The following DUSP22 variants were observed in gnomAD, a reference collection of about 807,000 sequenced individuals.
DUSP22 encodes the protein dual specificity phosphatase 22, also known as dual specificity protein phosphatase 22.
In DUSP22, 24 loss-of-function variants were observed where a neutral mutation model predicts 24.5. The observed-to-expected ratio is 0.98, with a 90% confidence interval of 0.71 to 1.38. The LOEUF (loss-of-function observed/expected upper bound fraction) is 1.38, where lower values mean the gene tolerates loss of function less well. DUSP22 is among the 40% of genes most tolerant of loss of function. DUSP22 has a pLI of 0.00. For synonymous variants in DUSP22, 160 were observed against 106.4 expected, an observed-to-expected ratio of 1.50 and a Z score of -3.10; for missense variants, 330 against 269.2, an observed-to-expected ratio of 1.23 and a Z score of -1.58.
Position 350,673 on chromosome 6 carries a change from A to T in DUSP22, c.*1722A>T, listed in dbSNP as rs1581199937. ...GCCAATAAAGTACATGTTTTTCCTA[A>T]GCCAAAAATAAATACGTTAACAGAA... is the stretch of plus-strand genomic sequence containing the variant. On this transcript the variant is annotated 3_prime_UTR_variant, in exon 7 of 7. Coordinates refer to ENST00000419235, the MANE Select transcript of DUSP22 (RefSeq NM_001286555.3). The T allele has an allele frequency of 1.9e-6, 3 of 1,541,874 alleles. No homozygotes were observed. In the East Asian group the frequency reaches 7.0e-5, roughly 36 times the overall value.
chr6:311,905 CA>C lies in DUSP22; in HGVS notation c.83del (p.Lys28ArgfsTer4), dbSNP rs1156938484. On this transcript the variant is annotated frameshift_variant, in exon 3 of 7. Coordinates refer to ENST00000419235, the MANE Select transcript of DUSP22 (RefSeq NM_001286555.3). LOFTEE classifies it high-confidence loss of function. ...ATGCCAGAGACGCGGAACAATTGAG[CA>C]AGAACAAGGTGACACATATTCTGTC... ...KDARDAEQLS[K>X]NKVTHILSVH... 6.2e-7 allele frequency: 1 copy of C among 1,612,222 alleles called. No homozygotes were observed. Among genetic ancestry groups the C allele is most frequent in the African/African-American group, 1.3e-5 (1 of 74,832 alleles).
intron 3 of DUSP22, among the ~76,000 whole-genome samples, chr6:317,494 A>C (rs1298622669): frequency 1.3e-5 from 2 of 152,306 alleles, no homozygotes; most frequent in African/African-American, 4.8e-5. Context: ...CTCCGAGCTC[A>C]GCCCCAGCTC....
chr6:330,567 T>C (rs1759096231), intron 3 of DUSP22, among the ~76,000 whole-genome samples: 1 of 152,306 alleles, frequency 6.6e-6, no homozygotes, highest in Non-Finnish European at 1.5e-5. Flanking sequence ...TGCCTCCGTA[T>C]CGTTTTAAGT....
In DUSP22 at chr6:348,289, G is replaced by A; in HGVS notation, c.435+15G>A. 6.2e-7 allele frequency: 1 copy of A among 1,613,980 alleles called. No individual in the cohort carries two copies. The highest frequency in any genetic ancestry group is 8.5e-7 in the Non-Finnish European group (1 of 1,179,840). The stretch of plus-strand genomic sequence containing the variant: ...AGGTCCATCAGGTAAGCAGTTCTTA[G>A]GGGACATCAGAGATGCAGGCAGGTG... On this transcript the variant is annotated intron_variant, in intron 6 of 6. Coordinates refer to ENST00000419235, the MANE Select transcript of DUSP22 (RefSeq NM_001286555.3).
At chr6:304,476 G>C (rs1369587838) in intron 1 of DUSP22, 152 bp from the exon 2 acceptor site, 1 of 1,174,896 alleles carries the variant, frequency 8.5e-7, no homozygotes, top group Non-Finnish European at 1.3e-6. Flanking sequence ...GGCCGCTGGG[G>C]ATGTTGGGTC....
intron 2 of DUSP22, among the ~76,000 whole-genome samples, chr6:305,031 C>T (rs1191688332): frequency 6.6e-6 from 1 of 152,310 alleles, no homozygotes; most frequent in Non-Finnish European, 1.5e-5. Context: ...AATGGCCTTC[C>T]TTCTTAAAGC....
chr6:351,337 G>A lies in DUSP22; in HGVS notation c.*2386G>A, dbSNP rs1295982439. 1.2e-5 allele frequency: 2 copies of A among 168,174 alleles called. No homozygotes were observed. Among genetic ancestry groups the A allele is most frequent in the Non-Finnish European group, 2.6e-5 (2 of 78,220 alleles). 10.4% of individuals were successfully genotyped at this position (168,174 alleles called of 1,614,324 possible). On this transcript the variant is annotated 3_prime_UTR_variant, in exon 7 of 7. Coordinates refer to ENST00000419235, the MANE Select transcript of DUSP22 (RefSeq NM_001286555.3). ...AGCTCTATGTTTTCGTTAATAAAGG[G>A]CAACTTAGCCAAGTTTAAGGTCGCG...
intron 2 of DUSP22, among the ~76,000 whole-genome samples, chr6:308,911 C>T (rs1433995403): frequency 2.0e-5 from 3 of 152,420 alleles, no homozygotes; most frequent in South Asian, 2.1e-4. Context: ...GATGAGCTGG[C>T]GCCATCAGGC....
intron 3 of DUSP22, among the ~76,000 whole-genome samples, chr6:332,041 A>G (rs368327892): frequency 3.6e-3 from 541 of 152,174 alleles, no homozygotes; most frequent in African/African-American, 0.012. Flanking sequence ...GCTTTACAGT[A>G]TTTTTCTTTC....
chr6:309,609 C>T (rs1179063062), intron 2 of DUSP22, among the ~76,000 whole-genome samples: 1 of 152,276 alleles, frequency 6.6e-6, no homozygotes, highest in Admixed American at 6.5e-5. Flanking sequence ...TTCCTCAGCC[C>T]CAGGGTAGAT....
rs1198448839 is a variant in DUSP22, at chr6:324,305, G to A, written c.139-10809G>A. 2.6e-5 allele frequency among the ~76,000 whole-genome samples: 4 copies of A among 152,304 alleles called. No homozygotes were observed. In the South Asian group the frequency reaches 6.2e-4, roughly 24 times the overall value. On this transcript the variant is annotated intron_variant, in intron 3 of 6. Transcript: ENST00000419235. ...AGGCGTGGAGAGGGTGGAGGGCTTGGAGGAGTGCCGCCCTTCCTGGGGAGG... is the reference window on the plus strand; with the variant it reads ...AGGCGTGGAGAGGGTGGAGGGCTTGAAGGAGTGCCGCCCTTCCTGGGGAGG...
At chr6:322,696 A>T (rs3800247) in intron 3 of DUSP22, among the ~76,000 whole-genome samples, 2 of 151,912 alleles carry the variant, frequency 1.3e-5, no homozygotes, top group African/African-American at 4.8e-5. Context: ...GGAGGGAAAG[A>T]GTGTTTCTTG....
At position 301,418 on chromosome 6, in the gene DUSP22, A is replaced by C. The variant is rs575844095; in HGVS notation, c.22-3210A>C. Among the ~76,000 whole-genome samples the C allele has an allele frequency of 2.0e-5, 3 of 152,424 alleles. No individual in the cohort carries two copies. The East Asian group carries it at 5.8e-4, about 29-fold the overall frequency. ...AAAGAAGTTGGGGGAAATCCTTCAG[A>C]GATCGGTTGGAGCCAACCTGCGGAA... On this transcript the variant is annotated intron_variant, in intron 1 of 6. Coordinates refer to ENST00000419235, the MANE Select transcript of DUSP22 (RefSeq NM_001286555.3).
At chr6:318,924 AAAGG>A (rs1186850183) in intron 3 of DUSP22, among the ~76,000 whole-genome samples, 3 of 152,294 alleles carry the variant, frequency 2.0e-5, no homozygotes, top group Admixed American at 1.3e-4. Flanking sequence ...ACTGTTAAGA[AAAGG>A]AAGCAAGTTA....
chr6:302,114 G>A (rs1216522117), intron 1 of DUSP22, among the ~76,000 whole-genome samples: 1 of 152,306 alleles, frequency 6.6e-6, no homozygotes, highest in Non-Finnish European at 1.5e-5. Context: ...AAATGCAGAA[G>A]CCCTCCTCCA....
intron 1 of DUSP22, among the ~76,000 whole-genome samples, chr6:294,621 A>G (rs1409064498): frequency 6.6e-6 from 1 of 152,288 alleles, no homozygotes; most frequent in African/African-American, 2.4e-5. Flanking sequence ...GTCTTTGTGA[A>G]AGGAAAAATC....
At chr6:334,399 C>T (rs893492351) in intron 3 of DUSP22, among the ~76,000 whole-genome samples, 7 of 149,870 alleles carry the variant, frequency 4.7e-5, no homozygotes, top group Non-Finnish European at 8.8e-5. Flanking sequence ...GAGAAACAGC[C>T]ATTTTTTTTT....
At chr6:334,703 T>A (rs2127413054) in intron 3 of DUSP22, among the ~76,000 whole-genome samples, 1 of 152,420 alleles carries the variant, frequency 6.6e-6, no homozygotes, top group South Asian at 2.1e-4. Flanking sequence ...TTCACTCTTG[T>A]TAAGGTTTTT....
chr6:310,986 G>A (rs1758057968), intron 2 of DUSP22, among the ~76,000 whole-genome samples: 2 of 152,304 alleles, frequency 1.3e-5, no homozygotes, highest in Admixed American at 6.5e-5. Context: ...CCAAGCTTGA[G>A]GACTGTAGCC....
Sources: allele counts gnomAD v4.1 joint callset (sites outside exome capture counted in the v4.1 genomes callset), GRCh38; gene constraint gnomAD v4.1.1; transcripts MANE v1.5; gene names NCBI Gene and HGNC (gene_info 2026-07-23, HGNC 2026-07-21).